Variants in RREB1 observed in about 807,000 individuals in gnomAD.
RREB1 encodes ras-responsive element-binding protein 1.
Under a neutral mutation model 117.8 loss-of-function variants are expected in RREB1, and 27 were observed. The observed-to-expected ratio is 0.23, with a 90% confidence interval of 0.17 to 0.32. The LOEUF (loss-of-function observed/expected upper bound fraction) is 0.32. Ranked by LOEUF, RREB1 falls within the 10% of genes least tolerant of loss-of-function variation. The probability of loss-of-function intolerance (pLI) is 1.00; values close to 1 mark genes in which losing one functional copy is unlikely to be tolerated. For missense variants in RREB1, 2,577 were observed against 2,378.2 expected (o/e 1.08, Z -1.74); for synonymous variants, 1,298 against 1,026.7 (o/e 1.26, Z -5.05).
chr6:7,109,681 CG>C (rs1280467096), intron 1 of RREB1, among the ~76,000 whole-genome samples: 1 of 152,234 alleles, frequency 6.6e-6, no homozygotes, highest in Non-Finnish European at 1.5e-5. Context: ...TGCCCTCCCT[CG>C]CTCCTTACTG....
intron 10 of RREB1, among the ~76,000 whole-genome samples, chr6:7,235,549 A>G (rs374965960): frequency 2.6e-4 from 39 of 152,316 alleles, no homozygotes; most frequent in African/African-American, 9.4e-4. Context: ...GCTGTTCTCG[A>G]ACTCCTCAGC....
intron 4 of RREB1, among the ~76,000 whole-genome samples, chr6:7,182,523 A>G (rs984224205): frequency 6.6e-6 from 1 of 152,220 alleles, no homozygotes; most frequent in African/African-American, 2.4e-5. Context: ...TTGGCTTCAG[A>G]TAATTCCAGT....
intron 1 of RREB1, among the ~76,000 whole-genome samples, chr6:7,165,239 G>T (rs530332784): frequency 6.6e-6 from 1 of 152,214 alleles, no homozygotes; most frequent in Non-Finnish European, 1.5e-5. Flanking sequence ...CGAGCTGCAG[G>T]AAGTCCAGCC....
intron 1 of RREB1, among the ~76,000 whole-genome samples, chr6:7,143,269 A>G (rs1386202344): frequency 6.6e-6 from 1 of 152,118 alleles, no homozygotes; most frequent in Non-Finnish European, 1.5e-5. Flanking sequence ...TTAATTTTTT[A>G]AGAAGTTGGA....
chr6:7,226,820 G>A (rs1767612973), intron 9 of RREB1, among the ~76,000 whole-genome samples, 164 bp downstream of exon 9: 1 of 152,018 alleles, frequency 6.6e-6, no homozygotes, highest in Non-Finnish European at 1.5e-5. Context: ...TGGCCCTTTC[G>A]GTCTCCCTTG....
chr6:7,173,783 GA>G (rs1232579440), intron 1 of RREB1, among the ~76,000 whole-genome samples: 77 of 139,864 alleles, frequency 5.5e-4, no homozygotes, highest in East Asian at 3.0e-3. Flanking sequence ...CTTGGCGACA[GA>G]AAAAAAAAAA....
intron 6 of RREB1, among the ~76,000 whole-genome samples, chr6:7,196,978 C>G (rs898352545): frequency 2.6e-5 from 4 of 152,148 alleles, no homozygotes; most frequent in African/African-American, 9.7e-5. Flanking sequence ...TCAGTTGCTC[C>G]CACGTTGAAA....
In RREB1 at chr6:7,249,062, TGAGA is replaced by T. The variant is rs4053178; in HGVS notation, c.*133_*136del. On this transcript the variant is annotated 3_prime_UTR_variant, in exon 13 of 13. Coordinates refer to ENST00000379938, the MANE Select transcript of RREB1 (RefSeq NM_001003699.4). ...TCAGTGCCCTTTGGCTGTTGAGGAG[TGAGA>T]GAGAGAGAGAGAGAGAGAGAGAGAG... The T allele has an allele frequency of 0.15, 85,869 of 558,312 alleles. 1,647 individuals carry two copies. The highest frequency in any genetic ancestry group is 0.2 in the Admixed American group (5,422 of 27,644). 34.6% of individuals were successfully genotyped at this position (558,312 alleles called of 1,614,324 possible).
chr6:7,230,180 G>A lies in RREB1; in HGVS notation c.2081G>A (p.Ser694Asn). ...CTCATCCGCCACCTGCGCACGCACA[G>A]TGGGGAGCGGCCCTACATTTGCAAG... ...AALIRHLRTH[S>N]GERPYICKIC... Residue 694 changes from serine to asparagine, a missense_variant, in exon 10 of 13, where the codon AGT becomes AAT. Physicochemically the swap from Ser to Asn is conservative, Grantham distance 46. Transcript: ENST00000379938. The A allele has an allele frequency of 1.2e-6, 2 of 1,606,796 alleles. No homozygotes were observed. Among genetic ancestry groups the A allele is most frequent in the Non-Finnish European group, 1.7e-6 (2 of 1,179,932 alleles).
In RREB1 at chr6:7,188,667, C is replaced by T. The variant is rs139353162; in HGVS notation, c.262-492C>T. The stretch of plus-strand genomic sequence containing the variant: ...TTAACATCAAGTTACTAAAGTAACT[C>T]GGGTTTGAATAGAAATGTTCCTTTT... On this transcript the variant is annotated intron_variant, in intron 5 of 12. Coordinates refer to ENST00000379938, the MANE Select transcript of RREB1 (RefSeq NM_001003699.4). Among the ~76,000 whole-genome samples, 68 of 152,200 alleles carry T rather than the reference C, an allele frequency of 4.5e-4. No homozygotes were observed. In the South Asian group the frequency reaches 9.6e-3, roughly 21 times the overall value.
intron 1 of RREB1, among the ~76,000 whole-genome samples, chr6:7,143,851 C>CTTTTTT (rs11365387): frequency 2.8e-4 from 25 of 89,370 alleles, no homozygotes; most frequent in Non-Finnish European, 3.4e-4. Flanking sequence ...TTTTTTCTTT[C>CTTTTTT]TTTTTTTTTT....
chr6:7,191,872 T>G (rs897222587), intron 6 of RREB1, among the ~76,000 whole-genome samples: 1 of 152,298 alleles, frequency 6.6e-6, no homozygotes, highest in Non-Finnish European at 1.5e-5. Context: ...ATGTCTGTTA[T>G]TCATTTTCTC....
At position 7,211,337 on chromosome 6, in the gene RREB1, CAGATGGAT is replaced by C. The variant is rs1211421525; in HGVS notation, c.571-235_571-228del. 1.5e-4 allele frequency among the ~76,000 whole-genome samples: 8 copies of C among 54,730 alleles called. No homozygotes were observed. In the East Asian group the frequency reaches 2.6e-3, roughly 18 times the overall value. 35.9% of individuals were successfully genotyped at this position (54,730 alleles called of 152,430 possible). A position where few individuals can be genotyped will look rare whatever the true frequency, so the allele number is the denominator to read the frequency against. On this transcript the variant is annotated intron_variant, in intron 7 of 12. Transcript: ENST00000379938. ...GAGGGTGGGTGGATGGATGGATGGA[CAGATGGAT>C]GGATGGATGGATGGATGGATGGATG...
chr6:7,216,694 CAG>C (rs1766919234), intron 8 of RREB1: 3 of 152,268 alleles, frequency 2.0e-5, no homozygotes, highest in African/African-American at 7.2e-5. Context: ...ATCCTAAAAA[CAG>C]GGAAAAGATA....
chr6:7,245,619 C>G (rs1768956459), intron 11 of RREB1, among the ~76,000 whole-genome samples: 1 of 152,176 alleles, frequency 6.6e-6, no homozygotes, highest in Admixed American at 6.5e-5. Flanking sequence ...TACAGTTTTA[C>G]TGGGTGGAAT....
Position 7,247,239 on chromosome 6 carries a change from G to C in RREB1, c.4771+18G>C, listed in dbSNP as rs762694215. On this transcript the variant is annotated intron_variant, in intron 12 of 12. Transcript: ENST00000379938. ...CCACACAGGTAACCAGGGCAGGCCA[G>C]GTCCCCGGCCCAACAAGAGGAGGCG... The C allele has an allele frequency of 1.9e-6, 3 of 1,599,942 alleles. No homozygotes were observed. The highest frequency in any genetic ancestry group is 3.4e-5 in the Admixed American group (2 of 58,432).
chr6:7,151,690 A>G (rs932320028), intron 1 of RREB1, among the ~76,000 whole-genome samples: 3 of 152,240 alleles, frequency 2.0e-5, no homozygotes, highest in Admixed American at 6.5e-5. Flanking sequence ...TGCTGAGCAC[A>G]CACTGCAGTT....
Position 7,126,065 on chromosome 6 carries a change from G to A in RREB1, c.-285+18005G>A, listed in dbSNP as rs554809348. Among the ~76,000 whole-genome samples the A allele has an allele frequency of 3.3e-5, 5 of 152,236 alleles. No homozygotes were observed. The South Asian group carries it at 6.2e-4, about 19-fold the overall frequency. On this transcript the variant is annotated intron_variant, in intron 1 of 12. Transcript: ENST00000379938. ...CGCCCAAGCTGGAGTGCAGTGGCAC[G>A]ATCTCGGCTCACTGCAACCTCCGCC...
chr6:7,224,810 A>G (rs1042766805), intron 8 of RREB1, among the ~76,000 whole-genome samples: 1 of 152,082 alleles, frequency 6.6e-6, no homozygotes, highest in African/African-American at 2.4e-5. Context: ...CCTTGACCAC[A>G]GTGGTGAGCT....
Sources: gnomAD v4.1 joint callset for allele counts (sites outside exome capture counted in the v4.1 genomes callset) on GRCh38, gnomAD v4.1.1 for gene constraint, MANE v1.5 for transcripts, NCBI Gene and HGNC (gene_info 2026-07-23, HGNC 2026-07-21) for gene names.